The following CENPK variants were observed in gnomAD, a reference collection of about 807,000 sequenced individuals.
CENPK encodes the protein SoxLZ/Sox6-binding protein Solt.
CENPK carries 46 observed loss-of-function variants against 40.9 expected under a neutral mutation model. That is an observed-to-expected ratio of 1.13 (90% CI 0.89 to 1.44). CENPK has a LOEUF of 1.44. Ranked by LOEUF, CENPK falls within the 40% of genes most tolerant of loss-of-function variation. CENPK has a pLI of 0.00. For missense variants in CENPK, 288 were observed against 303.5 expected (o/e 0.95, Z 0.38); for synonymous variants, 107 against 104.4 (o/e 1.02, Z -0.15).
At chr5:65,531,506 C>CT (rs1745830298) in intron 6 of CENPK, among the ~76,000 whole-genome samples, 1 of 141,906 alleles carries the variant, frequency 7.0e-6, no homozygotes, top group Admixed American at 7.2e-5. Context: ...CACTAAAAAT[C>CT]TATTTTTTTT....
At chr5:65,499,005 G>T in the CENPK span, among the ~76,000 whole-genome samples, 6 of 151,608 alleles carry the variant, frequency 4.0e-5, no homozygotes, top group Admixed American at 1.3e-4. Flanking sequence ...CTTCTTTGAT[G>T]ATTTCCTTTA....
At chr5:65,507,707 C>T in the CENPK span, among the ~76,000 whole-genome samples, 3 of 152,236 alleles carry the variant, frequency 2.0e-5, no homozygotes, top group South Asian at 6.2e-4. Context: ...AGTAAACTAA[C>T]ACTGATATAA....
chr5:65,539,930 T>C (rs1372864574), intron 6 of CENPK, among the ~76,000 whole-genome samples: 2 of 152,184 alleles, frequency 1.3e-5, no homozygotes, highest in Admixed American at 6.5e-5. Flanking sequence ...AGTCTAAGTA[T>C]AGGAAGCAGA....
At chr5:65,525,095 A>C (rs11747574) in intron 9 of CENPK, among the ~76,000 whole-genome samples, 30,112 of 152,148 alleles carry the variant, frequency 0.2, 3,506 homozygotes, top group South Asian at 0.32. Flanking sequence ...ATAGTGGTGC[A>C]CACCTGTAAT....
At chr5:65,529,498 T>G (rs1335061448) in intron 6 of CENPK, 5 of 208,314 alleles carry the variant, frequency 2.4e-5, no homozygotes, top group Non-Finnish European at 4.8e-5. Context: ...TTTCTTTCTT[T>G]TTTTTTTTTG....
chr5:65,507,370 T>G, the CENPK span, among the ~76,000 whole-genome samples: 1 of 152,186 alleles, frequency 6.6e-6, no homozygotes, highest in East Asian at 1.9e-4. Flanking sequence ...TTTAGCTAAA[T>G]GCACAGCTAT....
At chr5:65,542,391 C>G (rs1254091555) in intron 6 of CENPK, among the ~76,000 whole-genome samples, 1 of 152,146 alleles carries the variant, frequency 6.6e-6, no homozygotes, top group East Asian at 1.9e-4. Context: ...GTAATCCCAG[C>G]ACTTTGGGAG....
chr5:65,500,950 G>A, the CENPK span, among the ~76,000 whole-genome samples: 47 of 152,004 alleles, frequency 3.1e-4, no homozygotes, highest in East Asian at 4.1e-3. Context: ...GATTACAGGC[G>A]TGAACCATGG....
chr5:65,541,580 G>C, intron 6 of CENPK: 2 of 396,756 alleles, frequency 5.0e-6, no homozygotes, highest in South Asian at 3.6e-5. Context: ...TTTCTTTCCA[G>C]GTGAGACCTA....
chr5:65,528,490 G>A lies in CENPK; in HGVS notation c.559C>T (p.His187Tyr). The A allele has an allele frequency of 6.2e-7, 1 of 1,604,634 alleles. No homozygotes were observed. The highest frequency in any genetic ancestry group is 1.1e-5 in the South Asian group (1 of 88,548). The change falls in exon 9 of 11, where the codon CAT becomes TAT. Residue 187 changes from histidine (H) to tyrosine (Y), a missense_variant. Physicochemically the swap from His to Tyr is moderately conservative, Grantham distance 83. Coordinates refer to ENST00000396679, the MANE Select transcript of CENPK (RefSeq NM_022145.5). ...ACACTTCTATCAGGCAGAGGAAAAT[G>A]GTCTTCTAGAAACTCGCCCAAGGTA... ...LSTLGEFLED[H>Y]FPLPDRSVKK...
At chr5:65,516,218 G>C (rs527479482), downstream of CENPK, among the ~76,000 whole-genome samples, 20 of 152,246 alleles carry the variant, frequency 1.3e-4, no homozygotes, top group African/African-American at 4.6e-4. Context: ...TATTTAAAGT[G>C]GATTTCTTGT....
the CENPK span, among the ~76,000 whole-genome samples, chr5:65,505,840 T>G: frequency 6.6e-6 from 1 of 152,240 alleles, no homozygotes; most frequent in African/African-American, 2.4e-5. Context: ...CTATGTGACA[T>G]ATGGTAGAGT....
At chr5:65,512,628 A>G in the CENPK span, among the ~76,000 whole-genome samples, 1 of 152,254 alleles carries the variant, frequency 6.6e-6, no homozygotes, top group Non-Finnish European at 1.5e-5. Context: ...TATAGTTACT[A>G]GACTACAGTA....
the CENPK span, among the ~76,000 whole-genome samples, chr5:65,504,843 T>C: frequency 1.3e-5 from 2 of 152,310 alleles, no homozygotes; most frequent in East Asian, 3.9e-4. Context: ...TGGATTAACT[T>C]TTCCTCTGGT....
In CENPK at chr5:65,561,462, C is replaced by T. The variant is rs935777419; in HGVS notation, c.-40+1G>A. On this transcript the variant is annotated splice_donor_variant, in intron 2 of 10. Transcript: ENST00000396679. LOFTEE classifies it low-confidence loss of function (5UTR_SPLICE). ...GAAACATTTAAGAGTTTGCTCTCTACCGCTTGAGGATGCAAGATGTAAGCT... is the reference window on the plus strand; with the variant it reads ...GAAACATTTAAGAGTTTGCTCTCTATCGCTTGAGGATGCAAGATGTAAGCT... 8.8e-6 allele frequency: 4 copies of T among 454,064 alleles called. No individual in the cohort carries two copies. Among genetic ancestry groups the T allele is most frequent in the Admixed American group, 4.8e-5 (2 of 42,102 alleles). The allele number at this position is 454,064 out of a possible 1,614,324, so 28.1% of individuals were successfully genotyped here. A position where few individuals can be genotyped will look rare whatever the true frequency, so the allele number is the denominator to read the frequency against.
the CENPK span, among the ~76,000 whole-genome samples, chr5:65,501,206 G>GT: frequency 1.5e-4 from 16 of 103,540 alleles, no homozygotes; most frequent in Non-Finnish European, 2.6e-4. Flanking sequence ...TTGAGACAGA[G>GT]TCTCGCTCTG....
At chr5:65,533,438 G>A (rs772949118) in intron 6 of CENPK, among the ~76,000 whole-genome samples, 39 of 151,996 alleles carry the variant, frequency 2.6e-4, no homozygotes, top group Non-Finnish European at 4.3e-4. Context: ...CTGCTTAAAA[G>A]TGTCTACGAA....
Position 65,552,533 on chromosome 5 carries a change from G to T in CENPK, c.128C>A (p.Ser43Ter). Residue 43 changes from serine (S) to a stop codon, truncating the protein, a stop_gained, in exon 4 of 11, where the codon TCA becomes TAA. Transcript: ENST00000396679. LOFTEE classifies it high-confidence loss of function. ...KDMEECQNKL[S>*]LIGTETLTDS... ...GGTGAGTGTTTCAGTTCCAATAAGTGATAATTTATTCTGACACTTGATTTA... is the reference window on the plus strand; with the variant it reads ...GGTGAGTGTTTCAGTTCCAATAAGTTATAATTTATTCTGACACTTGATTTA... 1 of 1,539,658 alleles carries T rather than the reference G, an allele frequency of 6.5e-7. No homozygotes were observed. The highest frequency in any genetic ancestry group is 8.7e-7 in the Non-Finnish European group (1 of 1,142,922).
chr5:65,498,736 T>TTGATC, the CENPK span, among the ~76,000 whole-genome samples: 1 of 150,474 alleles, frequency 6.6e-6, no homozygotes, highest in Non-Finnish European at 1.5e-5. Context: ...TGGCTCACAA[T>TTGATC]AACCTCAAAT....
Sources: gnomAD v4.1 joint callset for allele counts (sites outside exome capture counted in the v4.1 genomes callset) on GRCh38, gnomAD v4.1.1 for gene constraint, MANE v1.5 for transcripts, NCBI Gene and HGNC (gene_info 2026-07-23, HGNC 2026-07-21) for gene names.